SEC16B: variants seen among roughly 807,000 people sequenced by gnomAD.
SEC16B encodes protein transport protein Sec16B.
SEC16B carries 115 observed loss-of-function variants against 141.8 expected under a neutral mutation model. That is an observed-to-expected ratio of 0.81 (90% confidence interval 0.70 to 0.95). The LOEUF (loss-of-function observed/expected upper bound fraction) is 0.95. Ranked by LOEUF, SEC16B falls within the 40% of genes least tolerant of loss-of-function variation. The pLI, the probability that SEC16B is intolerant of heterozygous loss-of-function variation, is 0.00. For missense variants in SEC16B, 1,291 were observed against 1,312.3 expected (o/e 0.98, Z 0.25); for synonymous variants, 493 against 492.5 (o/e 1.00, Z -0.01).
At chr1:177,943,996 A>T (rs1651478933) in intron 15 of SEC16B, among the ~76,000 whole-genome samples, 1 of 152,232 alleles carries the variant, frequency 6.6e-6, no homozygotes, top group Non-Finnish European at 1.5e-5. Flanking sequence ...TTACGAATGT[A>T]AGGTGACAAC....
rs115803311 is a variant in SEC16B at position 177,957,416 on chromosome 1, C to T, written c.1365+716G>A. 2.6e-3 allele frequency among the ~76,000 whole-genome samples: 396 copies of T among 152,016 alleles called. 4 individuals carry two copies. The highest frequency in any genetic ancestry group is 8.9e-3 in the African/African-American group (370 of 41,478). On this transcript the variant is annotated intron_variant, in intron 10 of 25. Coordinates refer to ENST00000308284, the MANE Select transcript of SEC16B (RefSeq NM_033127.4). ...TCTTAAGTTTAAAAAGAGAAATAAA[C>T]AACTGTATATGCAATTTTATTTTCT...
intron 1 of SEC16B, among the ~76,000 whole-genome samples, chr1:177,980,488 C>T (rs1392217414): frequency 6.6e-6 from 1 of 152,024 alleles, no homozygotes; most frequent in Non-Finnish European, 1.5e-5. Context: ...TATTTAATAA[C>T]CAAGAAACAG....
At chr1:177,961,364 A>G in intron 6 of SEC16B, 1 of 530,002 alleles carries the variant, frequency 1.9e-6, no homozygotes, top group Admixed American at 3.8e-5. Flanking sequence ...TCCCAACTTG[A>G]TAATGGATAG....
chr1:177,968,334 A>G (rs1653720249), intron 1 of SEC16B, among the ~76,000 whole-genome samples: 1 of 152,256 alleles, frequency 6.6e-6, no homozygotes, highest in African/African-American at 2.4e-5. Context: ...AATGCTATCA[A>G]GGAATCCCAG....
chr1:177,942,078 G>A, intron 15 of SEC16B, 38 bp from the exon 16 acceptor site: 1 of 1,577,390 alleles, frequency 6.3e-7, no homozygotes, highest in Non-Finnish European at 8.6e-7. Context: ...GTCCATCCAG[G>A]CAGGGAGAGA....
At chr1:177,956,074 G>T (rs1377634807) in intron 10 of SEC16B, among the ~76,000 whole-genome samples, 5 of 152,306 alleles carry the variant, frequency 3.3e-5, no homozygotes, top group Admixed American at 6.5e-5. Flanking sequence ...TGCCTATTTT[G>T]GTACTGGCCA....
intron 20 of SEC16B, among the ~76,000 whole-genome samples, chr1:177,934,395 T>C (rs373811669): frequency 1.3e-5 from 2 of 152,346 alleles, no homozygotes; most frequent in South Asian, 2.1e-4. Context: ...ATATGACATA[T>C]TGCCCTCTTC....
chr1:177,945,510 A>G (rs571809227), intron 14 of SEC16B: 1 of 152,372 alleles, frequency 6.6e-6, no homozygotes, highest in South Asian at 2.1e-4. Flanking sequence ...GGAACAGGCA[A>G]TGAGCTGGGT....
At position 177,958,237 on chromosome 1, in the gene SEC16B, G is replaced by C. The variant is rs765626681; in HGVS notation, c.1260C>G (p.Ser420Arg). 1 of 1,607,194 alleles carries C rather than the reference G, an allele frequency of 6.2e-7. No homozygotes were observed. ...NLTDEDWPVL[S>R]SGTPNLLTGE... Reference sequence around the variant, plus strand: ...CCGTGAGCAGGTTCGGGGTCCCAGAGCTCAGCACTGGCCAGTCCTCATCGG... The same window carrying C: ...CCGTGAGCAGGTTCGGGGTCCCAGACCTCAGCACTGGCCAGTCCTCATCGG... Residue 420 changes from serine (S) to arginine (R), a missense_variant, in exon 10 of 26, where the codon AGC (serine) becomes AGG (arginine). By Grantham distance (110) the Ser-to-Arg change is moderately radical. This residue lies in a region of SEC16B where 681 missense variants were observed against 675.5 expected (regional missense o/e 1.01). Coordinates refer to ENST00000308284, the MANE Select transcript of SEC16B (RefSeq NM_033127.4).
At chr1:177,963,073 A>C (rs1052251072) in intron 5 of SEC16B, among the ~76,000 whole-genome samples, 1 of 151,956 alleles carries the variant, frequency 6.6e-6, no homozygotes, top group Non-Finnish European at 1.5e-5. Flanking sequence ...GTGCCACAGC[A>C]CTCCAGCCTG....
intron 12 of SEC16B, among the ~76,000 whole-genome samples, chr1:177,950,950 A>G (rs1325912305): frequency 8.6e-6 from 1 of 116,054 alleles, no homozygotes; most frequent in Non-Finnish European, 1.7e-5. Flanking sequence ...GGAGGGAAGG[A>G]GGGAAGGAAA....
At chr1:177,972,792 T>G (rs1269664343), upstream of SEC16B, among the ~76,000 whole-genome samples, 1 of 152,164 alleles carries the variant, frequency 6.6e-6, no homozygotes, top group Non-Finnish European at 1.5e-5. Context: ...GTGATGGTAT[T>G]AGGAGGTAGG....
At chr1:177,950,154 A>G (rs1421740506) in intron 12 of SEC16B, among the ~76,000 whole-genome samples, 1 of 138,896 alleles carries the variant, frequency 7.2e-6, no homozygotes, top group Admixed American at 7.0e-5. Context: ...AGAAGGATAA[A>G]AAAAAAAAAT....
chr1:177,978,492 G>C (rs1195119912), intron 1 of SEC16B, among the ~76,000 whole-genome samples: 1 of 151,976 alleles, frequency 6.6e-6, no homozygotes, highest in Non-Finnish European at 1.5e-5. Flanking sequence ...GGATTGCTGA[G>C]GCCAGAAGCT....
At position 177,932,701 on chromosome 1, in the gene SEC16B, T is replaced by C; in HGVS notation, c.2929A>G (p.Arg977Gly). 2 of 1,585,286 alleles carry C rather than the reference T, an allele frequency of 1.3e-6. No individual in the cohort carries two copies. Among genetic ancestry groups the C allele is most frequent in the Non-Finnish European group, 1.7e-6 (2 of 1,166,642 alleles). ...LPDVSAFSRG[R>G]GGGEGRGSAS... ...AGAGGACGTGAGGTGACGGTACCTC[T>C]GCCCCTGGAGAAGGCACTAACATCC... The change falls in exon 23 of 26, where the codon AGA (arginine) becomes GGA (glycine). Residue 977 changes from arginine to glycine, a missense_variant. Arg to Gly is a moderately radical substitution (Grantham distance 125). Coordinates refer to ENST00000308284, the MANE Select transcript of SEC16B (RefSeq NM_033127.4).
intron 1 of SEC16B, among the ~76,000 whole-genome samples, chr1:177,982,850 C>A (rs10753176): frequency 0.54 from 82,601 of 152,052 alleles, 25,696 homozygotes; most frequent in East Asian, 0.84. Context: ...AGTCAGCAGC[C>A]GTTGAAAAGG....
Position 177,937,515 on chromosome 1 carries a change from TA to T in SEC16B, c.2204-3del. ...AAAAGTCCTGGTAGAAAGTGTTTTC[TA>T]AGGACGTGGAACAAAGGTAAAGAAG... On this transcript the variant is annotated splice_polypyrimidine_tract_variant and splice_region_variant and intron_variant, in intron 18 of 25. Transcript: ENST00000308284. The T allele has an allele frequency of 6.5e-7, 1 of 1,528,430 alleles. No individual in the cohort carries two copies. The highest frequency in any genetic ancestry group is 8.8e-7 in the Non-Finnish European group (1 of 1,138,148). 94.7% of individuals were successfully genotyped at this position (1,528,430 alleles called of 1,614,324 possible). A position where few individuals can be genotyped will look rare whatever the true frequency, so the allele number is the denominator to read the frequency against.
At position 177,953,135 on chromosome 1, in the gene SEC16B, A is replaced by T. The variant is rs571941723; in HGVS notation, c.1464-1140T>A. 2.0e-5 allele frequency among the ~76,000 whole-genome samples: 3 copies of T among 151,916 alleles called. No homozygotes were observed. In the South Asian group the frequency reaches 6.2e-4, roughly 32 times the overall value. Reference sequence around the variant, plus strand: ...ATTCTCCTGCCTCAGCTTCCAGAGTAGCTGGGATTACAGGTGCCAGCCACC... The same window carrying T: ...ATTCTCCTGCCTCAGCTTCCAGAGTTGCTGGGATTACAGGTGCCAGCCACC... On this transcript the variant is annotated intron_variant, in intron 11 of 25. Coordinates refer to ENST00000308284, the MANE Select transcript of SEC16B (RefSeq NM_033127.4).
At chr1:177,935,370 C>T (rs1024267693) in intron 20 of SEC16B, among the ~76,000 whole-genome samples, 3 of 152,100 alleles carry the variant, frequency 2.0e-5, no homozygotes, top group African/African-American at 7.2e-5. Flanking sequence ...TCAATTTCGT[C>T]ATGCCAATAT....
Sources: gnomAD v4.1 joint callset for allele counts (sites outside exome capture counted in the v4.1 genomes callset) on GRCh38, gnomAD v4.1.1 for gene constraint, gnomAD v4.1.1 regional missense constraint, MANE v1.5 for transcripts, NCBI Gene and HGNC (gene_info 2026-07-23, HGNC 2026-07-21) for gene names.